The following CFB variants were observed in gnomAD, a reference collection of about 807,000 sequenced individuals.
CFB encodes B-factor, properdin.
Under a neutral mutation model 97.2 loss-of-function variants are expected in CFB, and 59 were observed. The observed-to-expected ratio is 0.61, with a 90% CI of 0.49 to 0.75. The LOEUF is 0.75. Among genes scored for constraint, CFB ranks in the 30% least tolerant of loss-of-function variants. CFB has a pLI of 0.00. For missense variants in CFB, 771 were observed against 959.8 expected, an observed-to-expected ratio of 0.80 and a Z score of 2.60; for synonymous variants, 316 against 351.7, an observed-to-expected ratio of 0.90 and a Z score of 1.14.
At position 31,946,532 on chromosome 6, in the gene CFB, C is replaced by T; in HGVS notation, c.224C>T (p.Thr75Ile). Residue 75 changes from threonine to isoleucine, a missense_variant, in exon 2 of 18, where the codon ACC (threonine) becomes ATC (isoleucine). Thr to Ile is a moderately conservative substitution (Grantham distance 89, BLOSUM62 -1). Coordinates refer to ENST00000425368, the MANE Select transcript of CFB (RefSeq NM_001710.6). The surrounding 1 kb of genome is among the most constrained non-coding windows in gnomAD (Gnocchi z 6.4). Reference sequence around the variant, plus strand: ...TACCCGTACCCTGTGCAGACACGTACCTGCAGATCTACGGGGTCCTGGAGC... The same window carrying T: ...TACCCGTACCCTGTGCAGACACGTATCTGCAGATCTACGGGGTCCTGGAGC... ...GFYPYPVQTR[T>I]CRSTGSWSTL... 1.2e-6 allele frequency: 2 copies of T among 1,612,990 alleles called. No homozygotes were observed. Among genetic ancestry groups the T allele is most frequent in the South Asian group, 2.2e-5 (2 of 91,084 alleles).
Position 31,947,253 on chromosome 6 carries a change from G to T in CFB, c.484+61G>T. ...CCTGACGGCGCCCAGCCCGAGGAGT[G>T]GGCACTCGGCTCCGGACACTGTAAC... On this transcript the variant is annotated intron_variant, in intron 3 of 17. Coordinates refer to ENST00000425368, the MANE Select transcript of CFB (RefSeq NM_001710.6). This position sits in a 1 kb window ranked among gnomAD's most constrained non-coding sequence, Gnocchi z 5.3. 6.2e-7 allele frequency: 1 copy of T among 1,610,730 alleles called. No individual in the cohort carries two copies. The highest frequency in any genetic ancestry group is 1.7e-5 in the Admixed American group (1 of 60,010).
chr6:31,949,801 A>T, intron 10 of CFB: 4 of 686,002 alleles, frequency 5.8e-6, no homozygotes, highest in Non-Finnish European at 9.9e-6. Flanking sequence ...AAGCCAAAGG[A>T]GGTCAAGGGA....
In CFB at chr6:31,951,007, G is replaced by A. The variant is rs561666086; in HGVS notation, c.1855+63G>A. ...CAAGAGACAAGTGGGGCATGAGAGG[G>A]AGGTGCAATAGGAAGAGATGATGCC... On this transcript the variant is annotated intron_variant, in intron 14 of 17. Coordinates refer to ENST00000425368, the MANE Select transcript of CFB (RefSeq NM_001710.6). The surrounding 1 kb of genome is among the most constrained non-coding windows in gnomAD (Gnocchi z 4.3). 814 of 1,590,350 alleles carry A rather than the reference G, an allele frequency of 5.1e-4. No homozygotes were observed. The highest frequency in any genetic ancestry group is 6.3e-4 in the Admixed American group (38 of 59,974).
Position 31,951,253 on chromosome 6 carries a change from C to T in CFB, c.1956+9C>T, listed in dbSNP as rs191786290. On this transcript the variant is annotated intron_variant, in intron 15 of 17. Coordinates refer to ENST00000425368, the MANE Select transcript of CFB (RefSeq NM_001710.6). This position sits in a 1 kb window ranked among gnomAD's most constrained non-coding sequence, Gnocchi z 4.3. ...TCAAGAATGGGGATAAGGTGAGAAA[C>T]GGGCATCCTAAGGAGGCACTCTAGG... 37 of 1,613,116 alleles carry T rather than the reference C, an allele frequency of 2.3e-5. No homozygotes were observed. Among genetic ancestry groups the T allele is most frequent in the Admixed American group, 1.7e-4 (10 of 60,014 alleles).
chr6:31,948,813 C>T lies in CFB; in HGVS notation c.1037-17C>T, dbSNP rs375002216. On this transcript the variant is annotated splice_polypyrimidine_tract_variant and intron_variant, in intron 7 of 17. Coordinates refer to ENST00000425368, the MANE Select transcript of CFB (RefSeq NM_001710.6). Reference sequence around the variant, plus strand: ...TTGGAAGACCAGGTGAGGTGATGGTCTCTTCCCTCTCCACAGACCACAAGT... The same window carrying T: ...TTGGAAGACCAGGTGAGGTGATGGTTTCTTCCCTCTCCACAGACCACAAGT... The T allele has an allele frequency of 6.2e-7, 1 of 1,612,908 alleles. No individual in the cohort carries two copies. The highest frequency in any genetic ancestry group is 8.5e-7 in the Non-Finnish European group (1 of 1,180,032).
chr6:31,948,564 G>C, intron 7 of CFB, 52 bp downstream of exon 7: 1 of 1,611,500 alleles, frequency 6.2e-7, no homozygotes, highest in South Asian at 1.1e-5. Flanking sequence ...GGAGGTTCAG[G>C]GTGGAGGGGG....
chr6:31,946,828 T>C lies in CFB; in HGVS notation c.299-179T>C. The C allele has an allele frequency of 1.3e-6, 1 of 795,762 alleles. No individual in the cohort carries two copies. 49.3% of individuals were successfully genotyped at this position (795,762 alleles called of 1,614,324 possible). A position where few individuals can be genotyped will look rare whatever the true frequency, so the allele number is the denominator to read the frequency against. On this transcript the variant is annotated intron_variant, in intron 2 of 17. Transcript: ENST00000425368. The surrounding 1 kb of genome is among the most constrained non-coding windows in gnomAD (Gnocchi z 6.4). ...GCAGCCCTGGAAGTCAAGAGAACACTCAGAAATGGGGAGGGAGAAGCAGTG... is the reference window on the plus strand; with the variant it reads ...GCAGCCCTGGAAGTCAAGAGAACACCCAGAAATGGGGAGGGAGAAGCAGTG...
At chr6:31,948,626 T>TG in intron 7 of CFB, 114 bp downstream of exon 7, 1 of 1,543,414 alleles carries the variant, frequency 6.5e-7, no homozygotes, top group Non-Finnish European at 8.9e-7. Flanking sequence ...AGTCAAAAGT[T>TG]GAACAGCAGG....
chr6:31,948,018 A>C lies in CFB; in HGVS notation c.834A>C (p.Ser278=). The change falls in exon 6 of 18, where the codon TCA becomes TCC. Residue 278 remains serine (S), a synonymous_variant. Coordinates refer to ENST00000425368, the MANE Select transcript of CFB (RefSeq NM_001710.6). The part of the protein sequence containing the change: ...SMNIYLVLDG[S]DSIGASNFTG... ...ACATCTACCTGGTGCTAGATGGATCAGACAGCATTGGGGCCAGCAACTTCA... is the reference window on the plus strand; with the variant it reads ...ACATCTACCTGGTGCTAGATGGATCCGACAGCATTGGGGCCAGCAACTTCA... 6.2e-7 allele frequency: 1 copy of C among 1,614,220 alleles called. No homozygotes were observed.
chr6:31,947,270 C>T lies in CFB; in HGVS notation c.484+78C>T, dbSNP rs1190080593. On this transcript the variant is annotated intron_variant, in intron 3 of 17. Transcript: ENST00000425368. The surrounding 1 kb of genome is among the most constrained non-coding windows in gnomAD (Gnocchi z 5.3). ...CGAGGAGTGGGCACTCGGCTCCGGA[C>T]ACTGTAACTCTTGCTCTCTACCTTG... 1.9e-6 allele frequency: 3 copies of T among 1,610,792 alleles called. No homozygotes were observed. The East Asian group carries it at 6.7e-5, about 36-fold the overall frequency.
rs1365980276 is a variant in CFB, at chr6:31,947,710, C to T, written c.659-32C>T. The T allele has an allele frequency of 6.2e-7, 1 of 1,608,856 alleles. No homozygotes were observed. Among genetic ancestry groups the T allele is most frequent in the South Asian group, 1.1e-5 (1 of 91,000 alleles). On this transcript the variant is annotated intron_variant, in intron 4 of 17. Coordinates refer to ENST00000425368, the MANE Select transcript of CFB (RefSeq NM_001710.6). This position sits in a 1 kb window ranked among gnomAD's most constrained non-coding sequence, Gnocchi z 5.3. ...TTGGTCACTGTATCCCTGACACTCC[C>T]AGACATTTGACCTCATTTCTGACTC...
rs751642387 is a variant in CFB, at chr6:31,947,565, T to C, written c.658+44T>C. 6.2e-6 allele frequency: 10 copies of C among 1,611,054 alleles called. No homozygotes were observed. In the South Asian group the frequency reaches 1.1e-4, roughly 18 times the overall value. ...CCCCAGGTCAGATCCTGGTCTTCCA[T>C]CCTACTGTCTTCTCTCCCCACCTCA... On this transcript the variant is annotated intron_variant, in intron 4 of 17. Transcript: ENST00000425368. This position sits in a 1 kb window ranked among gnomAD's most constrained non-coding sequence, Gnocchi z 5.3.
chr6:31,949,501 A>T lies in CFB; in HGVS notation c.1352A>T (p.His451Leu). The part of the protein sequence containing the change: ...ALASKKDNEQ[H>L]VFKVKDMENL... ...GCTTCCAAGAAAGACAATGAGCAAC[A>T]TGTGTTCAAAGTCAAGGATATGGAA... Residue 451 changes from histidine (H) to leucine (L), a missense_variant, in exon 10 of 18, where the codon CAT becomes CTT. His to Leu is a moderately conservative substitution (Grantham distance 99, BLOSUM62 -3). Transcript: ENST00000425368. 1 of 1,613,886 alleles carries T rather than the reference A, an allele frequency of 6.2e-7. No individual in the cohort carries two copies. Among genetic ancestry groups the T allele is most frequent in the Middle Eastern group, 1.6e-4 (1 of 6,062 alleles).
intron 10 of CFB, 196 bp from the exon 11 acceptor site, chr6:31,949,852 CCT>C (rs772224142): frequency 1.4e-5 from 10 of 707,264 alleles, no homozygotes; most frequent in Non-Finnish European, 2.5e-5. Context: ...AACAGCCAGG[CCT>C]CTGACAGCTT....
chr6:31,950,522 C>T lies in CFB; in HGVS notation c.1625-97C>T, dbSNP rs776691231. 4 of 1,584,844 alleles carry T rather than the reference C, an allele frequency of 2.5e-6. No homozygotes were observed. In the Admixed American group the frequency reaches 6.7e-5, roughly 26 times the overall value. The stretch of plus-strand genomic sequence containing the variant: ...GCAGCCCCATTCCTTGCACCCCAGA[C>T]CAGTCAGGGATGGGGGAAGACGTGA... On this transcript the variant is annotated intron_variant, in intron 12 of 17. Coordinates refer to ENST00000425368, the MANE Select transcript of CFB (RefSeq NM_001710.6).
chr6:31,951,385 C>T lies in CFB; in HGVS notation c.2001C>T (p.Asp667=). 3 of 1,614,180 alleles carry T rather than the reference C, an allele frequency of 1.9e-6. No homozygotes were observed. Among genetic ancestry groups the T allele is most frequent in the Non-Finnish European group, 2.5e-6 (3 of 1,180,028 alleles). ...ERDAQYAPGY[D]KVKDISEVVT... is the part of the protein sequence containing the mutation. ...ATGCTCAATATGCCCCAGGCTATGA[C>T]AAAGTCAAGGACATCTCAGAGGTGG... Residue 667 remains aspartate (D), a synonymous_variant, in exon 16 of 18, where the codon GAC becomes GAT. Coordinates refer to ENST00000425368, the MANE Select transcript of CFB (RefSeq NM_001710.6). The surrounding 1 kb of genome is among the most constrained non-coding windows in gnomAD (Gnocchi z 4.3).
chr6:31,951,793 G>A lies in CFB; in HGVS notation c.2140-82G>A. ...TCCCTAGTCTGATTCCTTTAGGTCA[G>A]CTAAGACACAAGCAGGAACAGCCAT... On this transcript the variant is annotated intron_variant, in intron 17 of 17. Transcript: ENST00000425368. The surrounding 1 kb of genome is among the most constrained non-coding windows in gnomAD (Gnocchi z 4.3). The A allele has an allele frequency of 6.2e-7, 1 of 1,606,020 alleles. No individual in the cohort carries two copies. The highest frequency in any genetic ancestry group is 8.5e-7 in the Non-Finnish European group (1 of 1,173,878).
In CFB at chr6:31,950,588, CAA is replaced by C. The variant is rs200572096; in HGVS notation, c.1625-29_1625-28del. ...GGGGCCAGAGGCAGGAAGCTGCCCACAAAGAGGTGGTACCTACTCTCCTACTT... is the reference window on the plus strand; with the variant it reads ...GGGGCCAGAGGCAGGAAGCTGCCCACAGAGGTGGTACCTACTCTCCTACTT... On this transcript the variant is annotated intron_variant, in intron 12 of 17. Coordinates refer to ENST00000425368, the MANE Select transcript of CFB (RefSeq NM_001710.6). 203 of 1,612,756 alleles carry C rather than the reference CAA, an allele frequency of 1.3e-4. No individual in the cohort carries two copies. The East Asian group carries it at 3.8e-3, about 30-fold the overall frequency.
In CFB at chr6:31,950,285, G is replaced by A; in HGVS notation, c.1507-1G>A. ...TTCCCTCTCTACTGTTGTGTCCCCA[G>A]CGCCCTTCAAAGGGACACGAGAGCT... On this transcript the variant is annotated splice_acceptor_variant, in intron 11 of 17. Coordinates refer to ENST00000425368, the MANE Select transcript of CFB (RefSeq NM_001710.6). LOFTEE classifies it high-confidence loss of function. 2 of 1,612,606 alleles carry A rather than the reference G, an allele frequency of 1.2e-6. No individual in the cohort carries two copies. Among genetic ancestry groups the A allele is most frequent in the Non-Finnish European group, 1.7e-6 (2 of 1,179,602 alleles).
Sources: allele counts gnomAD v4.1 joint callset, GRCh38; gene constraint gnomAD v4.1.1; non-coding constraint Gnocchi (gnomAD v3.1); transcripts MANE v1.5; gene names NCBI Gene and HGNC (gene_info 2026-07-23, HGNC 2026-07-21).